SCMH1: variants seen among roughly 807,000 people sequenced by gnomAD.
The protein encoded by SCMH1 is polycomb protein SCMH1.
In SCMH1, 37 loss-of-function variants were observed where a neutral mutation model predicts 70.8. The observed-to-expected ratio is 0.52, with a 90% CI of 0.40 to 0.69. The LOEUF is 0.69. Ranked by LOEUF, SCMH1 falls within the 30% of genes least tolerant of loss-of-function variation. The pLI, the probability that SCMH1 is intolerant of heterozygous loss-of-function variation, is 0.00. For synonymous variants in SCMH1, 292 were observed against 307.4 expected (o/e 0.95, Z 0.52); for missense variants, 607 against 827.3 (o/e 0.73, Z 3.27).
At chr1:41,095,638 G>A (rs533995352) in intron 8 of SCMH1, among the ~76,000 whole-genome samples, 74 of 152,234 alleles carry the variant, frequency 4.9e-4, no homozygotes, top group Admixed American at 1.0e-3. Flanking sequence ...TATTCTGGTC[G>A]ATTTTAAGCA....
intron 9 of SCMH1, among the ~76,000 whole-genome samples, chr1:41,071,779 C>T (rs535634032): frequency 6.6e-6 from 1 of 152,026 alleles, no homozygotes; most frequent in Non-Finnish European, 1.5e-5. Context: ...CCTCCCACCT[C>T]AGCCTCCTGA....
chr1:41,086,052 G>A (rs12563888), intron 8 of SCMH1, among the ~76,000 whole-genome samples: 11,941 of 151,996 alleles, frequency 0.079, 631 homozygotes, highest in South Asian at 0.13. Flanking sequence ...CATTGGCCAG[G>A]ATGGTCTCGA....
intron 1 of SCMH1, among the ~76,000 whole-genome samples, chr1:41,221,724 C>T (rs1001139877): frequency 6.6e-6 from 1 of 151,174 alleles, no homozygotes; most frequent in Non-Finnish European, 1.5e-5. Flanking sequence ...CCTATCTCTA[C>T]TAAAAATACA....
chr1:41,073,741 A>G (rs1657315386), intron 9 of SCMH1, among the ~76,000 whole-genome samples: 2 of 152,132 alleles, frequency 1.3e-5, no homozygotes, highest in Non-Finnish European at 2.9e-5. Flanking sequence ...GATATAAGGT[A>G]CCACAGGAGA....
At chr1:41,215,680 T>C (rs908115886) in intron 1 of SCMH1, among the ~76,000 whole-genome samples, 1 of 152,160 alleles carries the variant, frequency 6.6e-6, no homozygotes, top group African/African-American at 2.4e-5. Context: ...CTCCTTTCTC[T>C]AGATAATCAT....
In SCMH1 at chr1:41,090,826, T is replaced by A. The variant is rs1572009455; in HGVS notation, c.746-15375A>T. On this transcript the variant is annotated intron_variant, in intron 8 of 14. Coordinates refer to ENST00000337495, the Ensembl canonical transcript of SCMH1. ...AGGCTGAGGCGGGTGGATCATGAGG[T>A]CAGGAGATCGAGACCATCCTGGCTA... 2.0e-5 allele frequency among the ~76,000 whole-genome samples: 3 copies of A among 152,026 alleles called. No individual in the cohort carries two copies. In the South Asian group the frequency reaches 6.2e-4, roughly 32 times the overall value.
chr1:41,054,787 G>A (rs1359673437), intron 10 of SCMH1, among the ~76,000 whole-genome samples: 1 of 152,114 alleles, frequency 6.6e-6, no homozygotes, highest in Admixed American at 6.6e-5. Context: ...AATTTCTTTG[G>A]TTTTAAATTA....
chr1:41,164,724 A>T (rs1040052261), intron 2 of SCMH1, among the ~76,000 whole-genome samples: 5 of 152,086 alleles, frequency 3.3e-5, no homozygotes, highest in African/African-American at 1.2e-4. Context: ...CCTTGCAAGT[A>T]TCCCCTTTAT....
intron 1 of SCMH1, among the ~76,000 whole-genome samples, chr1:41,210,562 C>A (rs2148793725): frequency 6.6e-6 from 1 of 152,258 alleles, no homozygotes; most frequent in East Asian, 1.9e-4. Context: ...CACACATCTA[C>A]AACCATCTGA....
chr1:41,041,988 T>C (rs1482324688), intron 12 of SCMH1, among the ~76,000 whole-genome samples: 1 of 152,164 alleles, frequency 6.6e-6, no homozygotes, highest in Non-Finnish European at 1.5e-5. Context: ...ACTGAGCCAC[T>C]GCACCCGGCC....
At chr1:41,193,973 C>G (rs947209319) in intron 1 of SCMH1, among the ~76,000 whole-genome samples, 12 of 152,218 alleles carry the variant, frequency 7.9e-5, no homozygotes, top group African/African-American at 2.6e-4. Flanking sequence ...TACTACATGT[C>G]TACTAAATTC....
chr1:41,143,096 C>T (rs1572559107), exon 6 of SCMH1: 2 of 1,613,962 alleles, frequency 1.2e-6, no homozygotes, highest in Non-Finnish European at 1.7e-6. Context: ...GAACTCGTTG[C>T]TTGGAGGTGT....
chr1:41,116,988 A>G, exon 7 of SCMH1: 1 of 1,606,160 alleles, frequency 6.2e-7, no homozygotes, highest in South Asian at 1.1e-5. Flanking sequence ...ACATGGGCCA[A>G]GAAGACGCAT....
At chr1:41,229,110 C>T (rs1049445373) in intron 1 of SCMH1, among the ~76,000 whole-genome samples, 6 of 151,980 alleles carry the variant, frequency 3.9e-5, no homozygotes, top group South Asian at 2.1e-4. Flanking sequence ...GCAGGAGAAT[C>T]GCTTAAACCC....
intron 10 of SCMH1, among the ~76,000 whole-genome samples, chr1:41,062,671 G>A (rs1183171044): frequency 6.6e-6 from 1 of 151,712 alleles, no homozygotes; most frequent in Admixed American, 6.6e-5. Context: ...CCCAGGAGAC[G>A]GAGGTTGCAG....
At chr1:41,205,259 A>C (rs1655248485) in intron 1 of SCMH1, among the ~76,000 whole-genome samples, 1 of 152,220 alleles carries the variant, frequency 6.6e-6, no homozygotes, top group Non-Finnish European at 1.5e-5. Flanking sequence ...CCTGTGAAGC[A>C]CAAGGGTTGG....
chr1:41,173,025 G>A (rs4660505), intron 2 of SCMH1, among the ~76,000 whole-genome samples: 6,750 of 152,154 alleles, frequency 0.044, 246 homozygotes, highest in Non-Finnish European at 0.062. Context: ...ACATTGATCT[G>A]CACAAAGATT....
chr1:41,164,423 A>G (rs1041855620), intron 2 of SCMH1, among the ~76,000 whole-genome samples: 1 of 138,174 alleles, frequency 7.2e-6, no homozygotes, highest in African/African-American at 2.8e-5. Context: ...ACTCTCCCCA[A>G]CTTCACTCTT....
chr1:41,133,661 CTA>C (rs1642768107), intron 6 of SCMH1, among the ~76,000 whole-genome samples: 1 of 152,162 alleles, frequency 6.6e-6, no homozygotes, highest in Admixed American at 6.5e-5. Context: ...ATAAACGCCT[CTA>C]TGCAAATAAA....
Sources: gnomAD v4.1 joint callset for allele counts (sites outside exome capture counted in the v4.1 genomes callset) on GRCh38, gnomAD v4.1.1 for gene constraint, MANE v1.5 for transcripts, NCBI Gene and HGNC (gene_info 2026-07-23, HGNC 2026-07-21) for gene names.